THEMIS: variants seen among roughly 807,000 people sequenced by gnomAD.
THEMIS encodes the protein protein THEMIS.
THEMIS carries 37 observed loss-of-function variants against 52.6 expected under a neutral mutation model. The observed-to-expected ratio is 0.70, with a 90% CI of 0.54 to 0.93. THEMIS has a LOEUF of 0.93. THEMIS is among the 40% of genes least tolerant of loss of function. THEMIS has a pLI of 0.00. For synonymous variants in THEMIS, 292 were observed against 272.7 expected (o/e 1.07, Z -0.70); for missense variants, 808 against 763.1 (o/e 1.06, Z -0.69).
chr6:127,795,075 T>C (rs1777282038), intron 4 of THEMIS, among the ~76,000 whole-genome samples: 1 of 152,208 alleles, frequency 6.6e-6, no homozygotes, highest in African/African-American at 2.4e-5. Context: ...TTCTGTACCA[T>C]AGACAGTTCC....
rs765135523 is a variant in THEMIS, at chr6:127,813,802, T to C, written c.839A>G (p.Glu280Gly). The change falls in exon 4 of 6, where the codon GAG (glutamate) becomes GGG (glycine). Residue 280 changes from glutamate (E) to glycine (G), a missense_variant. Physicochemically the swap from Glu to Gly is moderately conservative, Grantham distance 98 (BLOSUM62 -2). Coordinates refer to ENST00000368248, the MANE Select transcript of THEMIS (RefSeq NM_001010923.3). ...TEDLFEMTSK[E>G]FPIVTEVIEA... ...TATGACTTCAGTCACTATGGGGAAC[T>C]CTTTACTAGTCATTTCAAAAAGATC... The C allele has an allele frequency of 1.1e-5, 18 of 1,613,936 alleles. No homozygotes were observed. The Admixed American group carries it at 2.7e-4, about 24-fold the overall frequency.
intron 4 of THEMIS, among the ~76,000 whole-genome samples, chr6:127,800,267 T>C (rs1562265344): frequency 6.6e-6 from 1 of 152,236 alleles, no homozygotes; most frequent in South Asian, 2.1e-4. Context: ...TTAGATTTTT[T>C]AATATATTTC....
In THEMIS at chr6:127,850,562, G is replaced by T. The variant is rs181154148; in HGVS notation, c.250+4468C>A. ...ATGGAATATTACTCATCTGTAAAAA[G>T]AAATGAAATAATGTCTTTTGCAGCA... On this transcript the variant is annotated intron_variant, in intron 2 of 5. Transcript: ENST00000368248. Among the ~76,000 whole-genome samples the T allele has an allele frequency of 1.2e-3, 183 of 151,838 alleles. 1 individual carries two copies. Among genetic ancestry groups the T allele is most frequent in the South Asian group, 6.6e-3 (32 of 4,818 alleles).
At chr6:127,735,933 A>G in intron 4 of THEMIS, among the ~76,000 whole-genome samples, 1 of 152,214 alleles carries the variant, frequency 6.6e-6, no homozygotes, top group East Asian at 1.9e-4. Flanking sequence ...TCATGAAACT[A>G]CATAAATTAC....
Position 127,813,654 on chromosome 6 carries a change from T to G in THEMIS, c.987A>C (p.Lys329Asn), listed in dbSNP as rs760383494. Residue 329 changes from lysine to asparagine, a missense_variant, in exon 4 of 6, where the codon AAA becomes AAC. Transcript: ENST00000368248. ...AGCTAGTGGGGATCAAGAAGTGTCT[T>G]TTAGGAAAATTGCTTCTAATTTCTG... ...LASEIRSNFP[K>N]RHFLIPTSYK... is the part of the protein sequence containing the mutation. 1.3e-5 allele frequency: 21 copies of G among 1,614,078 alleles called. No individual in the cohort carries two copies. The highest frequency in any genetic ancestry group is 1.7e-5 in the Admixed American group (1 of 60,000).
intron 4 of THEMIS, among the ~76,000 whole-genome samples, chr6:127,746,087 C>T (rs1370360820): frequency 1.3e-4 from 20 of 151,768 alleles, no homozygotes; most frequent in African/African-American, 4.1e-4. Context: ...AGTTTATACC[C>T]AGCTATTTCT....
At chr6:127,812,594 A>C (rs527709554) in intron 4 of THEMIS, among the ~76,000 whole-genome samples, 3 of 152,324 alleles carry the variant, frequency 2.0e-5, no homozygotes, top group East Asian at 1.9e-4. Context: ...CACTTTATAA[A>C]ATATTCTTAA....
At position 127,819,734 on chromosome 6, in the gene THEMIS, A is replaced by T. The variant is rs187927833; in HGVS notation, c.710-5803T>A. On this transcript the variant is annotated intron_variant, in intron 3 of 5. Transcript: ENST00000368248. The stretch of plus-strand genomic sequence containing the variant: ...AAATAAAGACTTACTTATGTGAGTA[A>T]CAATTCAGGGAATTTGTCACCAGTT... Among the ~76,000 whole-genome samples, 3 of 152,332 alleles carry T rather than the reference A, an allele frequency of 2.0e-5. No homozygotes were observed. In the East Asian group the frequency reaches 5.8e-4, roughly 29 times the overall value.
chr6:127,869,583 T>C (rs1780092848), intron 1 of THEMIS, among the ~76,000 whole-genome samples: 1 of 152,198 alleles, frequency 6.6e-6, no homozygotes, highest in Non-Finnish European at 1.5e-5. Context: ...TCCAGGCATA[T>C]TAATCTCAAA....
At chr6:127,756,896 A>G (rs149836690) in intron 4 of THEMIS, among the ~76,000 whole-genome samples, 4 of 152,326 alleles carry the variant, frequency 2.6e-5, no homozygotes, top group African/African-American at 9.6e-5. Flanking sequence ...CATTTCTGTC[A>G]ATTTGTGATT....
intron 1 of THEMIS, chr6:127,918,358 A>G (rs1781568781): frequency 6.6e-6 from 1 of 152,226 alleles, no homozygotes; most frequent in Non-Finnish European, 1.5e-5. Context: ...CTGAGAGTAT[A>G]TAAATAATTA....
chr6:127,703,312 G>T (rs1272919223), downstream of THEMIS, among the ~76,000 whole-genome samples: 1 of 152,120 alleles, frequency 6.6e-6, no homozygotes, highest in Non-Finnish European at 1.5e-5. Context: ...CTCCCAAAGT[G>T]CTGGGATTAC....
chr6:127,862,511 C>T (rs1348805664), intron 1 of THEMIS, among the ~76,000 whole-genome samples: 5 of 145,172 alleles, frequency 3.4e-5, no homozygotes, highest in Non-Finnish European at 7.5e-5. Context: ...CCTCCACCTC[C>T]TACATTCAAG....
chr6:127,717,369 A>C (rs1247765791), intron 5 of THEMIS, among the ~76,000 whole-genome samples: 4 of 151,960 alleles, frequency 2.6e-5, no homozygotes, highest in Non-Finnish European at 5.9e-5. Context: ...TTATCATTCT[A>C]TCACTTAATC....
intron 4 of THEMIS, among the ~76,000 whole-genome samples, chr6:127,788,724 C>T (rs1252207672): frequency 6.6e-6 from 1 of 152,178 alleles, no homozygotes; most frequent in Non-Finnish European, 1.5e-5. Context: ...TACATTATTA[C>T]AGTGTATAAA....
At chr6:127,829,415 T>C in intron 3 of THEMIS, 61 bp downstream of exon 3, 1 of 1,396,566 alleles carries the variant, frequency 7.2e-7, no homozygotes, top group Non-Finnish European at 9.7e-7. Context: ...CTCTAAAATC[T>C]TTCTTTCCCA....
intron 4 of THEMIS, among the ~76,000 whole-genome samples, chr6:127,767,869 T>TA (rs1302079169): frequency 6.6e-6 from 1 of 152,216 alleles, no homozygotes; most frequent in Non-Finnish European, 1.5e-5. Flanking sequence ...ACTACAAAGT[T>TA]ATGACAGCTA....
upstream of THEMIS, among the ~76,000 whole-genome samples, chr6:127,905,737 T>C (rs1215037927): frequency 6.6e-6 from 1 of 151,960 alleles, no homozygotes; most frequent in Non-Finnish European, 1.5e-5. Flanking sequence ...GCATTAGCCT[T>C]CTAGAGAAGT....
At chr6:127,775,632 T>C (rs1776539973) in intron 4 of THEMIS, among the ~76,000 whole-genome samples, 1 of 151,882 alleles carries the variant, frequency 6.6e-6, no homozygotes, top group African/African-American at 2.4e-5. Context: ...AAAAATTATT[T>C]CATGCTTTTT....
Sources: allele counts gnomAD v4.1 joint callset (sites outside exome capture counted in the v4.1 genomes callset), GRCh38; gene constraint gnomAD v4.1.1; transcripts MANE v1.5; gene names NCBI Gene and HGNC (gene_info 2026-07-23, HGNC 2026-07-21).